The following RAB10 variants were observed in gnomAD, a reference collection of about 807,000 sequenced individuals.
RAB10 encodes the protein RAB10, member RAS oncogene family.
A neutral mutation model predicts 25.7 loss-of-function variants in RAB10; 5 were observed. The observed-to-expected ratio is 0.19, with a 90% CI of 0.10 to 0.41. The LOEUF is 0.41. Ranked by LOEUF, RAB10 falls within the 10% of genes least tolerant of loss-of-function variation. RAB10 has a pLI of 1.00. For missense variants in RAB10, 103 were observed against 245.8 expected, an observed-to-expected ratio of 0.42 and a Z score of 3.89; for synonymous variants, 89 against 86.4, an observed-to-expected ratio of 1.03 and a Z score of -0.16.
At chr2:26,094,054 C>G (rs772527765) in intron 1 of RAB10, among the ~76,000 whole-genome samples, 1 of 151,820 alleles carries the variant, frequency 6.6e-6, no homozygotes, top group Non-Finnish European at 1.5e-5. Context: ...CACCACCATG[C>G]CTGGCTAATT....
chr2:26,112,387 C>T (rs1667592048), intron 3 of RAB10, among the ~76,000 whole-genome samples: 1 of 152,140 alleles, frequency 6.6e-6, no homozygotes, highest in Non-Finnish European at 1.5e-5. Context: ...GCCTTGTCAT[C>T]AGTCACCTCA....
chr2:26,096,703 A>C (rs1372802315), intron 1 of RAB10, among the ~76,000 whole-genome samples: 1 of 152,072 alleles, frequency 6.6e-6, no homozygotes, highest in Non-Finnish European at 1.5e-5. Flanking sequence ...TTACAGTTTT[A>C]TTTCCTAATG....
chr2:26,131,231 A>G (rs1333079698), intron 5 of RAB10, among the ~76,000 whole-genome samples: 3 of 151,976 alleles, frequency 2.0e-5, no homozygotes, highest in Non-Finnish European at 2.9e-5. Flanking sequence ...ATTGTCTTGG[A>G]CCACATATAA....
chr2:26,068,561 A>T (rs1666558425), intron 1 of RAB10, among the ~76,000 whole-genome samples: 1 of 151,400 alleles, frequency 6.6e-6, no homozygotes, highest in African/African-American at 2.4e-5. Context: ...TTTTTTTTTG[A>T]GGTGATCTTT....
At chr2:26,116,547 TG>T (rs369179758) in intron 3 of RAB10, among the ~76,000 whole-genome samples, 23 of 109,564 alleles carry the variant, frequency 2.1e-4, no homozygotes, top group African/African-American at 8.8e-4. Flanking sequence ...TTCTGTCTTG[TG>T]TTTTTTTTTT....
chr2:26,055,991 C>T (rs553316196), intron 1 of RAB10, among the ~76,000 whole-genome samples: 10 of 152,004 alleles, frequency 6.6e-5, no homozygotes, highest in Non-Finnish European at 1.3e-4. Flanking sequence ...AACTTCCAGG[C>T]TCAAGCGATC....
intron 1 of RAB10, among the ~76,000 whole-genome samples, chr2:26,071,024 C>G (rs1444905433): frequency 6.6e-6 from 1 of 152,124 alleles, no homozygotes; most frequent in Non-Finnish European, 1.5e-5. Context: ...CCAAGCTGGA[C>G]TAGTAGTCAT....
chr2:26,053,922 G>T (rs144138675), intron 1 of RAB10, among the ~76,000 whole-genome samples: 2,153 of 149,576 alleles, frequency 0.014, 49 homozygotes, highest in African/African-American at 0.051. Context: ...GTTTCATCAT[G>T]TTGGCCAGGC....
At chr2:26,129,290 A>G (rs1181426155) in intron 5 of RAB10, among the ~76,000 whole-genome samples, 1 of 97,482 alleles carries the variant, frequency 1.0e-5, no homozygotes, top group East Asian at 3.3e-4. Flanking sequence ...AAAAAAAAAA[A>G]AAAAAAATCT....
intron 1 of RAB10, among the ~76,000 whole-genome samples, chr2:26,087,281 A>G (rs1290456166): frequency 6.6e-6 from 1 of 152,164 alleles, no homozygotes; most frequent in Non-Finnish European, 1.5e-5. Context: ...TAAAATAGGC[A>G]TATTGGTACT....
intron 1 of RAB10, among the ~76,000 whole-genome samples, chr2:26,065,119 A>T (rs1416454199): frequency 6.6e-6 from 1 of 152,144 alleles, no homozygotes; most frequent in Non-Finnish European, 1.5e-5. Flanking sequence ...GCCATTAGGC[A>T]TTCTCAGTTT....
At chr2:26,038,857 G>A (rs1403096627) in intron 1 of RAB10, among the ~76,000 whole-genome samples, 3 of 150,556 alleles carry the variant, frequency 2.0e-5, no homozygotes, top group East Asian at 2.0e-4. Flanking sequence ...AGAAGGTGGC[G>A]GAGCTTGCAG....
intron 1 of RAB10, among the ~76,000 whole-genome samples, chr2:26,076,942 AAAG>A (rs900491323): frequency 4.0e-5 from 6 of 150,084 alleles, no homozygotes; most frequent in Admixed American, 1.3e-4. Context: ...GAGGAAAAAA[AAAG>A]AGAAAAAAAA....
At chr2:26,067,230 T>G (rs1231128601) in intron 1 of RAB10, among the ~76,000 whole-genome samples, 2 of 152,208 alleles carry the variant, frequency 1.3e-5, no homozygotes, top group Non-Finnish European at 2.9e-5. Flanking sequence ...TGTTGATGCT[T>G]CTTCAGATTT....
chr2:26,135,114 A>G lies in RAB10; in HGVS notation c.*93A>G, dbSNP rs561289040. 5.0e-6 allele frequency: 5 copies of G among 992,504 alleles called. No homozygotes were observed. In the East Asian group the frequency reaches 8.8e-5, roughly 17 times the overall value. The allele number at this position is 992,504 out of a possible 1,614,324, so 61.5% of individuals were successfully genotyped here. Reference sequence around the variant, plus strand: ...TCTGTCCATTTTTAACTCTAAACAGATATTTTTGTTTCTCATCTTAACTAT... The same window carrying G: ...TCTGTCCATTTTTAACTCTAAACAGGTATTTTTGTTTCTCATCTTAACTAT... On this transcript the variant is annotated 3_prime_UTR_variant, in exon 6 of 6. Transcript: ENST00000264710.
intron 3 of RAB10, among the ~76,000 whole-genome samples, chr2:26,126,232 C>T (rs553946157): frequency 3.9e-5 from 6 of 152,162 alleles, no homozygotes; most frequent in African/African-American, 1.4e-4. Flanking sequence ...GTCTTTATGC[C>T]AGTTCCACAC....
Position 26,127,173 on chromosome 2 carries a change from A to G in RAB10, c.357A>G (p.Leu119=), listed in dbSNP as rs1165973440. The G allele has an allele frequency of 1.2e-6, 2 of 1,600,704 alleles. No homozygotes were observed. Among genetic ancestry groups the G allele is most frequent in the Non-Finnish European group, 1.7e-6 (2 of 1,177,004 alleles). The change falls in exon 4 of 6, where the codon TTA becomes TTG. Residue 119 remains leucine (L), a synonymous_variant. Transcript: ENST00000264710. ...CCAATGAAGATGTGGAAAGAATGTT[A>G]CTAGGAAACAAGTGTGATATGGACG... ...EHANEDVERM[L]LGNKCDMDDK...
At chr2:26,127,626 T>C (rs1667930891) in intron 4 of RAB10, among the ~76,000 whole-genome samples, 1 of 152,214 alleles carries the variant, frequency 6.6e-6, no homozygotes, top group African/African-American at 2.4e-5. Context: ...TTGCCCCCAG[T>C]GTGAAGTATC....
At chr2:26,045,482 G>T (rs1462993388) in intron 1 of RAB10, among the ~76,000 whole-genome samples, 2 of 151,654 alleles carry the variant, frequency 1.3e-5, no homozygotes, top group African/African-American at 2.4e-5. Context: ...CTCATGATCC[G>T]CCCGCCTCTG....
Sources: gnomAD v4.1 joint callset for allele counts (sites outside exome capture counted in the v4.1 genomes callset) on GRCh38, gnomAD v4.1.1 for gene constraint, MANE v1.5 for transcripts, NCBI Gene and HGNC (gene_info 2026-07-23, HGNC 2026-07-21) for gene names.